Variants in IGFN1 observed in about 807,000 individuals in gnomAD.
IGFN1 encodes the protein immunoglobulin like and fibronectin type III domain containing 1.
A neutral mutation model predicts 289.5 loss-of-function variants in IGFN1; 253 were observed. That is an observed-to-expected ratio of 0.87 (90% CI 0.79 to 0.97). The LOEUF is 0.97. Among genes scored for constraint, IGFN1 ranks in the 50% least tolerant of loss-of-function variants. The pLI is 0.00. For missense variants in IGFN1, 4,470 were observed against 4,686.1 expected (o/e 0.95, Z 1.35); for synonymous variants, 1,706 against 1,788.5 (o/e 0.95, Z 1.16).
intron 12 of IGFN1, 25 bp from the exon 13 acceptor site, chr1:201,214,152 G>A (rs370344249): frequency 7.5e-6 from 12 of 1,595,180 alleles, no homozygotes; most frequent in Non-Finnish European, 1.7e-6. Context: ...GCTCGGCCCT[G>A]GGGATTCCCT....
Position 201,207,002 on chromosome 1 carries a change from T to C in IGFN1, c.2109T>C (p.Ala703=), listed in dbSNP as rs1470194668. 6.5e-7 allele frequency: 1 copy of C among 1,536,292 alleles called. No homozygotes were observed. Among genetic ancestry groups the C allele is most frequent in the African/African-American group, 1.4e-5 (1 of 72,960 alleles). The change falls in exon 12 of 24, where the codon GCT becomes GCC. Residue 703 remains alanine, a synonymous_variant. Coordinates refer to ENST00000335211, the MANE Select transcript of IGFN1 (RefSeq NM_001164586.2). ...GGGGTTCTCAGGGAGGTAGAGATGC[T>C]GACTATGGGGAAGCCAGGGGCTACT... is the stretch of plus-strand genomic sequence containing the variant. The part of the protein sequence containing the change: ...ESWGSQGGRD[A]DYGEARGYWG...
In IGFN1 at chr1:201,212,751, G is replaced by A. The variant is rs1396106419; in HGVS notation, c.7858G>A (p.Gly2620Arg). The change falls in exon 12 of 24, where the codon GGG (glycine) becomes AGG (arginine). Residue 2620 changes from glycine to arginine, a missense_variant. This residue lies in a region of IGFN1 where 2,218 missense variants were observed against 2,114.1 expected (regional missense o/e 1.05). Coordinates refer to ENST00000335211, the MANE Select transcript of IGFN1 (RefSeq NM_001164586.2). ...AACATCAGGGCCTGCTGATAGACAAGGGACGAGCAATGCTTGGGCTCCTGA... is the reference window on the plus strand; with the variant it reads ...AACATCAGGGCCTGCTGATAGACAAAGGACGAGCAATGCTTGGGCTCCTGA... ...KSTSGPADRQ[G>R]TSNAWAPDWE... 3 of 1,551,598 alleles carry A rather than the reference G, an allele frequency of 1.9e-6. No homozygotes were observed. The highest frequency in any genetic ancestry group is 2.4e-5 in the East Asian group (1 of 40,918).
In IGFN1 at chr1:201,208,100, AG is replaced by A; in HGVS notation, c.3210del (p.His1071ThrfsTer7). 2 of 1,536,784 alleles carry A rather than the reference AG, an allele frequency of 1.3e-6. No homozygotes were observed. Among genetic ancestry groups the A allele is most frequent in the Non-Finnish European group, 1.7e-6 (2 of 1,146,798 alleles). ...GCCAGGCAGGCATGGACCCTAGGGGAGGGCACCATTCAGATGGTGGCCTAGG... is the reference window on the plus strand; with the variant it reads ...GCCAGGCAGGCATGGACCCTAGGGGAGGCACCATTCAGATGGTGGCCTAGG... The part of the protein sequence containing the change: ...ACQAGMDPRG[G>X]HHSDGGLGSP... On this transcript the variant is annotated frameshift_variant, in exon 12 of 24. Transcript: ENST00000335211. LOFTEE classifies it high-confidence loss of function.
In IGFN1 at chr1:201,221,513, C is replaced by G; in HGVS notation, c.9968C>G (p.Ala3323Gly). 6.2e-7 allele frequency: 1 copy of G among 1,613,914 alleles called. No individual in the cohort carries two copies. Among genetic ancestry groups the G allele is most frequent in the Admixed American group, 1.7e-5 (1 of 59,994 alleles). Residue 3323 changes from alanine (A) to glycine (G), a missense_variant, in exon 19 of 24, where the codon GCT becomes GGT. Around this residue, in one of 8 missense-constraint regions of IGFN1, gnomAD observed 2,218 missense variants for 2,114.1 expected, o/e 1.05. Transcript: ENST00000335211. ...RSNTSITLSW[A>G]GPDTQEGDEA... ...AACACCAGCATCACTCTGAGCTGGG[C>G]TGGGCCAGACACCCAGGAAGGGGAT...
intron 11 of IGFN1, 44 bp downstream of exon 11, chr1:201,205,398 C>T (rs1299326388): frequency 6.8e-7 from 1 of 1,480,984 alleles, no homozygotes; most frequent in African/African-American, 1.4e-5. Context: ...CCAGGGAAGA[C>T]CTTGGGGCTG....
chr1:201,210,493 G>A lies in IGFN1; in HGVS notation c.5600G>A (p.Gly1867Glu), dbSNP rs1374539484. ...DLGAPKGIGS[G>E]SKADFRDALG... ...GGTGCTCCTAAGGGAATAGGTTCAG[G>A]GAGCAAGGCAGATTTTAGGGATGCT... Residue 1867 changes from glycine (G) to glutamate (E), a missense_variant, in exon 12 of 24, where the codon GGG becomes GAG. Gly to Glu is a moderately conservative substitution (Grantham distance 98). Coordinates refer to ENST00000335211, the MANE Select transcript of IGFN1 (RefSeq NM_001164586.2). 1.5e-6 allele frequency: 2 copies of A among 1,365,248 alleles called. No homozygotes were observed. The highest frequency in any genetic ancestry group is 4.1e-5 in the African/African-American group (2 of 49,248). 84.6% of individuals were successfully genotyped at this position (1,365,248 alleles called of 1,614,324 possible). A position where few individuals can be genotyped will look rare whatever the true frequency, so the allele number is the denominator to read the frequency against.
chr1:201,227,322 C>A, intron 23 of IGFN1, 114 bp downstream of exon 23: 1 of 730,950 alleles, frequency 1.4e-6, no homozygotes, highest in Non-Finnish European at 2.2e-6. Flanking sequence ...AGTCAGGAGA[C>A]CAGGACTCTC....
chr1:201,200,356 G>A lies in IGFN1; in HGVS notation c.578G>A (p.Gly193Asp). 3 of 1,551,796 alleles carry A rather than the reference G, an allele frequency of 1.9e-6. No individual in the cohort carries two copies. The highest frequency in any genetic ancestry group is 2.6e-6 in the Non-Finnish European group (3 of 1,147,026). Reference sequence around the variant, plus strand: ...AAGTATGGCATCGTCGACTACCGTGGCATGTTGCGCAGGCTGCAGGAGATG... The same window carrying A: ...AAGTATGGCATCGTCGACTACCGTGACATGTTGCGCAGGCTGCAGGAGATG... ...CLKYGIVDYRGMLRRLQEMKK... is the reference protein window; with the variant it reads ...CLKYGIVDYRDMLRRLQEMKK... The change falls in exon 8 of 24, where the codon GGC (glycine) becomes GAC (aspartate). Residue 193 changes from glycine (G) to aspartate (D), a missense_variant. Around this residue, in one of 8 missense-constraint regions of IGFN1, gnomAD observed 2,011 missense variants for 1,953.4 expected, o/e 1.03. Coordinates refer to ENST00000335211, the MANE Select transcript of IGFN1 (RefSeq NM_001164586.2).
Position 201,211,198 on chromosome 1 carries a change from A to T in IGFN1, c.6305A>T (p.Asp2102Val). Residue 2102 changes from aspartate to valine, a missense_variant, in exon 12 of 24, where the codon GAT becomes GTT. Asp to Val is a radical substitution (Grantham distance 152). Coordinates refer to ENST00000335211, the MANE Select transcript of IGFN1 (RefSeq NM_001164586.2). ...GGTTCTGAAGAAATGGAGTCAATGGATGAGGCAGGTTATAGGAAGGATTTG... is the reference window on the plus strand; with the variant it reads ...GGTTCTGAAGAAATGGAGTCAATGGTTGAGGCAGGTTATAGGAAGGATTTG... ...LGGSEEMESM[D>V]EAGYRKDLGA... 1 of 1,530,808 alleles carries T rather than the reference A, an allele frequency of 6.5e-7. No individual in the cohort carries two copies. Among genetic ancestry groups the T allele is most frequent in the Non-Finnish European group, 8.7e-7 (1 of 1,144,594 alleles). The allele number at this position is 1,530,808 out of a possible 1,614,324, so 94.8% of individuals were successfully genotyped here. A position where few individuals can be genotyped will look rare whatever the true frequency, so the allele number is the denominator to read the frequency against.
At chr1:201,203,712 G>T in intron 9 of IGFN1, 26 bp from the exon 10 acceptor site, 3 of 1,549,288 alleles carry the variant, frequency 1.9e-6, no homozygotes. Flanking sequence ...ACTGAGGCCC[G>T]CCTCCTCTTC....
intron 17 of IGFN1, 53 bp from the exon 18 acceptor site, chr1:201,218,477 T>G: frequency 6.4e-7 from 1 of 1,569,678 alleles, no homozygotes; most frequent in South Asian, 1.2e-5. Flanking sequence ...CCAAGCTATC[T>G]CCCCATGTCC....
At position 201,209,069 on chromosome 1, in the gene IGFN1, C is replaced by T. The variant is rs1440884614; in HGVS notation, c.4176C>T (p.Tyr1392=). The T allele has an allele frequency of 6.5e-7, 1 of 1,535,408 alleles. No individual in the cohort carries two copies. Among genetic ancestry groups the T allele is most frequent in the Non-Finnish European group, 8.7e-7 (1 of 1,146,416 alleles). The change falls in exon 12 of 24, where the codon TAC becomes TAT. Residue 1392 remains tyrosine, a synonymous_variant. Transcript: ENST00000335211. Reference sequence around the variant, plus strand: ...TTCCTGAGGGAATGGGTGCAGGTTACAGGGCTGGTTTAAGGGGTCCTGGGG... The same window carrying T: ...TTCCTGAGGGAATGGGTGCAGGTTATAGGGCTGGTTTAAGGGGTCCTGGGG... The part of the protein sequence containing the change: ...LGVPEGMGAG[Y]RAGLRGPGEM...
At chr1:201,204,506 A>C (rs763537319) in intron 10 of IGFN1, among the ~76,000 whole-genome samples, 1 of 152,192 alleles carries the variant, frequency 6.6e-6, no homozygotes, top group Non-Finnish European at 1.5e-5. Flanking sequence ...TCGTAAGAAC[A>C]TGGCTGAATC....
Position 201,221,703 on chromosome 1 carries a change from G to T in IGFN1, c.10158G>T (p.Gln3386His), listed in dbSNP as rs1484077928. ...VTAVNEGGQS[Q>H]PSALDTLVQA... ...CAGTTAATGAAGGAGGCCAGAGCCAGCCCAGTGCCCTGGACACATTAGTGC... is the reference window on the plus strand; with the variant it reads ...CAGTTAATGAAGGAGGCCAGAGCCATCCCAGTGCCCTGGACACATTAGTGC... Residue 3386 changes from glutamine to histidine, a missense_variant, in exon 19 of 24, where the codon CAG (glutamine) becomes CAT (histidine). Gln to His is a conservative substitution (Grantham distance 24). Transcript: ENST00000335211. 6.2e-7 allele frequency: 1 copy of T among 1,611,882 alleles called. No individual in the cohort carries two copies. Among genetic ancestry groups the T allele is most frequent in the Non-Finnish European group, 8.5e-7 (1 of 1,178,798 alleles).
chr1:201,215,682 G>C lies in IGFN1; in HGVS notation c.9139G>C (p.Val3047Leu). 1 of 1,613,948 alleles carries C rather than the reference G, an allele frequency of 6.2e-7. No individual in the cohort carries two copies. Among genetic ancestry groups the C allele is most frequent in the Non-Finnish European group, 8.5e-7 (1 of 1,179,976 alleles). ...AAWRKDGAEV[V>L]GSSDREAQVD... is the part of the protein sequence containing the mutation. ...CTGGAGGAAGGACGGGGCTGAGGTG[G>C]TGGGCAGCAGTGACAGGGAGGCCCA... The change falls in exon 15 of 24, where the codon GTG (valine) becomes CTG (leucine). Residue 3047 changes from valine to leucine, a missense_variant. By Grantham distance (32) the Val-to-Leu change is conservative. Around this residue, in one of 8 missense-constraint regions of IGFN1, gnomAD observed 2,218 missense variants for 2,114.1 expected, o/e 1.05. Coordinates refer to ENST00000335211, the MANE Select transcript of IGFN1 (RefSeq NM_001164586.2).
In IGFN1 at chr1:201,209,494, T is replaced by G; in HGVS notation, c.4601T>G (p.Leu1534Trp). 1.3e-6 allele frequency: 2 copies of G among 1,536,640 alleles called. No homozygotes were observed. Among genetic ancestry groups the G allele is most frequent in the Non-Finnish European group, 1.7e-6 (2 of 1,146,696 alleles). The change falls in exon 12 of 24, where the codon TTG becomes TGG. Residue 1534 changes from leucine (L) to tryptophan (W), a missense_variant. Physicochemically the swap from Leu to Trp is moderately conservative, Grantham distance 61. Around this residue, in one of 8 missense-constraint regions of IGFN1, gnomAD observed 2,011 missense variants for 1,953.4 expected, o/e 1.03. Transcript: ENST00000335211. ...SVDKAGYRKD[L>W]GASEAIGSGS... ...GATAAGGCAGGCTATAGGAAGGATT[T>G]GGGGGCTTCTGAGGCAATAGGTTCA...
intron 23 of IGFN1, 76 bp downstream of exon 23, chr1:201,227,284 G>C: frequency 3.3e-6 from 4 of 1,205,508 alleles, no homozygotes; most frequent in Non-Finnish European, 4.6e-6. Flanking sequence ...GGGAGGCTCC[G>C]GGGGGTGCCT....
chr1:201,217,596 G>T, intron 17 of IGFN1, 136 bp downstream of exon 17: 1 of 867,704 alleles, frequency 1.2e-6, no homozygotes, highest in Non-Finnish European at 1.8e-6. Flanking sequence ...GATATTTTTC[G>T]TGGTCACAAT....
intron 5 of IGFN1, 108 bp downstream of exon 5, chr1:201,197,425 A>G: frequency 2.8e-6 from 2 of 719,020 alleles, no homozygotes; most frequent in African/African-American, 1.7e-5. Context: ...AGGGAGGCCC[A>G]TCCAGGCTGC....
Sources: allele counts gnomAD v4.1 joint callset (sites outside exome capture counted in the v4.1 genomes callset), GRCh38; gene constraint gnomAD v4.1.1; regional missense constraint gnomAD v4.1.1; transcripts MANE v1.5; gene names NCBI Gene and HGNC (gene_info 2026-07-23, HGNC 2026-07-21).